The following PCDHA10 variants were observed in gnomAD, a reference collection of about 807,000 sequenced individuals.
The protein encoded by PCDHA10 is protocadherin alpha 10.
In PCDHA10, 45 loss-of-function variants were observed where a neutral mutation model predicts 61.2. That is an observed-to-expected ratio of 0.74 (90% confidence interval 0.58 to 0.94). PCDHA10 has a LOEUF of 0.94. PCDHA10 is among the 40% of genes least tolerant of loss of function. PCDHA10 has a pLI of 0.00. For synonymous variants in PCDHA10, 602 were observed against 548.8 expected (o/e 1.10, Z -1.35); for missense variants, 1,278 against 1,236.2 (o/e 1.03, Z -0.51).
intron 1 of PCDHA10, among the ~76,000 whole-genome samples, chr5:140,971,325 T>C (rs1273585971): frequency 3.9e-5 from 6 of 152,190 alleles, no homozygotes; most frequent in African/African-American, 1.4e-4. Context: ...AGGGAGAAAA[T>C]TATTTCAGAA....
chr5:140,982,583 C>T lies in PCDHA10; in HGVS notation c.2536+20C>T, dbSNP rs1251252617. ...CACCAGGTAAAGAGCTGGGGTCTCT[C>T]CATTCTTTCTTGGTTTCTGGAAAGT... is the stretch of plus-strand genomic sequence containing the variant. On this transcript the variant is annotated intron_variant, in intron 3 of 3. Coordinates refer to ENST00000307360, the MANE Select transcript of PCDHA10 (RefSeq NM_018901.4). The T allele has an allele frequency of 1.2e-6, 2 of 1,612,084 alleles. No homozygotes were observed. The highest frequency in any genetic ancestry group is 4.5e-5 in the East Asian group (2 of 44,856).
At chr5:140,917,340 T>TGGGGG (rs2078149834) in intron 1 of PCDHA10, among the ~76,000 whole-genome samples, 2 of 133,058 alleles carry the variant, frequency 1.5e-5, no homozygotes, top group African/African-American at 2.7e-5. Flanking sequence ...AGGGGGGGGA[T>TGGGGG]GGTGTAGGCT....
At chr5:140,984,704 G>A (rs2097116148) in intron 3 of PCDHA10, among the ~76,000 whole-genome samples, 1 of 152,032 alleles carries the variant, frequency 6.6e-6, no homozygotes, top group Non-Finnish European at 1.5e-5. Flanking sequence ...CTGCTTGGAG[G>A]GAATATGGCA....
At position 140,876,570 on chromosome 5, in the gene PCDHA10, T is replaced by A. The variant is rs782551095; in HGVS notation, c.2388+18134T>A. 5.7e-5 allele frequency: 92 copies of A among 1,614,172 alleles called. No individual in the cohort carries two copies. In the East Asian group the frequency reaches 2.0e-3, roughly 35 times the overall value. On this transcript the variant is annotated intron_variant, in intron 1 of 3. Coordinates refer to ENST00000307360, the MANE Select transcript of PCDHA10 (RefSeq NM_018901.4). The stretch of plus-strand genomic sequence containing the variant: ...CTGTGCAAGAGGATGCTCAGGTGGG[T>A]ACCGTCATTGCCCTGATTAGCGTGT...
chr5:140,960,913 T>C (rs184385777), intron 1 of PCDHA10, among the ~76,000 whole-genome samples: 10 of 152,320 alleles, frequency 6.6e-5, no homozygotes, highest in Admixed American at 2.6e-4. Flanking sequence ...GAGTTTCAGA[T>C]AGAAAATTGG....
intron 1 of PCDHA10, among the ~76,000 whole-genome samples, chr5:140,889,562 T>C (rs2062274153): frequency 6.6e-6 from 1 of 152,224 alleles, no homozygotes; most frequent in Non-Finnish European, 1.5e-5. Flanking sequence ...TTCAGAATTC[T>C]GCTTTCTGAT....
intron 3 of PCDHA10, among the ~76,000 whole-genome samples, chr5:141,007,668 G>C (rs556655396): frequency 6.6e-6 from 1 of 152,262 alleles, no homozygotes; most frequent in East Asian, 1.9e-4. Context: ...AATTTACAAA[G>C]ACAAAAGTTA....
At chr5:140,913,451 T>G (rs1201347326) in intron 1 of PCDHA10, among the ~76,000 whole-genome samples, 1 of 152,160 alleles carries the variant, frequency 6.6e-6, no homozygotes, top group East Asian at 1.9e-4. Context: ...CAGCTCCGAT[T>G]TTATTTACTT....
chr5:140,966,427 C>T (rs2096001144), intron 1 of PCDHA10: 1 of 421,646 alleles, frequency 2.4e-6, no homozygotes, highest in African/African-American at 2.1e-5. Context: ...CTTGCTGAGC[C>T]CTCCTACCGC....
chr5:140,861,346 C>T (rs2046871504), intron 1 of PCDHA10: 2 of 294,962 alleles, frequency 6.8e-6, no homozygotes, highest in South Asian at 3.7e-5. Context: ...AGGCCAAGGA[C>T]GGCACATAGC....
intron 1 of PCDHA10, chr5:140,870,461 C>A (rs1554164294): frequency 6.8e-6 from 11 of 1,614,128 alleles, no homozygotes; most frequent in Non-Finnish European, 9.3e-6. Context: ...AATGCGCCTG[C>A]GTTCGCACAG....
At chr5:140,944,438 C>T (rs1585166190) in intron 1 of PCDHA10, among the ~76,000 whole-genome samples, 2 of 152,154 alleles carry the variant, frequency 1.3e-5, no homozygotes, top group Non-Finnish European at 2.9e-5. Flanking sequence ...CTGCCTGCCT[C>T]GGCCTCCCAA....
intron 1 of PCDHA10, among the ~76,000 whole-genome samples, chr5:140,935,451 T>C (rs2090381894): frequency 6.6e-6 from 1 of 152,232 alleles, no homozygotes; most frequent in African/African-American, 2.4e-5. Context: ...AATATGATAC[T>C]GTAGCAGTTT....
intron 1 of PCDHA10, among the ~76,000 whole-genome samples, chr5:140,943,885 T>C (rs762067236): frequency 6.6e-5 from 10 of 152,242 alleles, no homozygotes; most frequent in Non-Finnish European, 1.2e-4. Flanking sequence ...TTCATTGGAC[T>C]GGTCATTATG....
At chr5:140,953,118 A>G (rs2094850559) in intron 1 of PCDHA10, among the ~76,000 whole-genome samples, 1 of 152,162 alleles carries the variant, frequency 6.6e-6, no homozygotes, top group Non-Finnish European at 1.5e-5. Context: ...AGGGACACAG[A>G]TCTAAACCGT....
At chr5:140,869,751 CG>C (rs782746767) in intron 1 of PCDHA10, 1 of 1,613,134 alleles carries the variant, frequency 6.2e-7, no homozygotes, top group South Asian at 1.1e-5. Flanking sequence ...CAGCTACAGA[CG>C]GGGGAAAACC....
chr5:140,897,881 C>G (rs1417702752), intron 1 of PCDHA10, among the ~76,000 whole-genome samples: 1 of 152,312 alleles, frequency 6.6e-6, no homozygotes, highest in Admixed American at 6.5e-5. Context: ...GATTGCCATT[C>G]TAACTGGTGT....
At chr5:140,962,319 T>A (rs1585921663) in intron 1 of PCDHA10, among the ~76,000 whole-genome samples, 1 of 152,226 alleles carries the variant, frequency 6.6e-6, no homozygotes, top group Admixed American at 6.5e-5. Context: ...GCCATCTCAA[T>A]TGAGAATACT....
At position 140,928,807 on chromosome 5, in the gene PCDHA10, C is replaced by T. The variant is rs782261335; in HGVS notation, c.2389-50142C>T. 6.2e-6 allele frequency: 10 copies of T among 1,614,094 alleles called. No homozygotes were observed. Among genetic ancestry groups the T allele is most frequent in the Non-Finnish European group, 8.5e-6 (10 of 1,180,020 alleles). On this transcript the variant is annotated intron_variant, in intron 1 of 3. Coordinates refer to ENST00000307360, the MANE Select transcript of PCDHA10 (RefSeq NM_018901.4). ...TAAGCAGAGGGTGGTGGTAGTGGTT[C>T]GGGACCATGGAGACCCACCACTTTC...
Sources: gnomAD v4.1 joint callset for allele counts (sites outside exome capture counted in the v4.1 genomes callset) on GRCh38, gnomAD v4.1.1 for gene constraint, MANE v1.5 for transcripts, NCBI Gene and HGNC (gene_info 2026-07-23, HGNC 2026-07-21) for gene names.